CFAP299: variants seen among roughly 807,000 people sequenced by gnomAD.
CFAP299 encodes cilia- and flagella-associated protein 299.
CFAP299 carries 21 observed loss-of-function variants against 27.0 expected under a neutral mutation model. The observed-to-expected ratio is 0.78, with a 90% CI of 0.55 to 1.12. The LOEUF (loss-of-function observed/expected upper bound fraction) is 1.12, where lower values mean the gene tolerates loss of function less well. Among genes scored for constraint, CFAP299 ranks in the 50% most tolerant of loss-of-function variants. CFAP299 has a pLI of 0.00. For missense variants in CFAP299, 310 were observed against 276.6 expected (o/e 1.12, Z -0.86); for synonymous variants, 104 against 98.1 (o/e 1.06, Z -0.36).
intron 3 of CFAP299, among the ~76,000 whole-genome samples, chr4:80,679,789 G>A (rs1271598005): frequency 6.6e-6 from 1 of 150,404 alleles, no homozygotes; most frequent in Admixed American, 6.6e-5. Context: ...TTTCGAATTG[G>A]ATTTTTGCTA....
intron 3 of CFAP299, among the ~76,000 whole-genome samples, chr4:80,692,833 C>T (rs1720819069): frequency 6.6e-6 from 1 of 152,062 alleles, no homozygotes. Flanking sequence ...CTATAATGAA[C>T]TCAAACAAAT....
the CFAP299 span, among the ~76,000 whole-genome samples, chr4:80,326,589 A>G: frequency 6.6e-6 from 1 of 152,288 alleles, no homozygotes; most frequent in East Asian, 1.9e-4. Flanking sequence ...GGCCAATCGC[A>G]ATAGAAAACA....
chr4:80,903,995 A>G (rs111897340), intron 4 of CFAP299, among the ~76,000 whole-genome samples: 2,660 of 152,320 alleles, frequency 0.017, 40 homozygotes, highest in Middle Eastern at 0.044. Context: ...CACTTTAATG[A>G]CATAAAGTCA....
chr4:80,906,984 C>A (rs967348228), intron 4 of CFAP299, among the ~76,000 whole-genome samples: 1 of 152,120 alleles, frequency 6.6e-6, no homozygotes, highest in Admixed American at 6.5e-5. Flanking sequence ...AAAAAATGGG[C>A]TTTTCTTTAC....
intron 3 of CFAP299, among the ~76,000 whole-genome samples, chr4:80,686,523 A>G (rs890234013): frequency 6.6e-6 from 1 of 152,224 alleles, no homozygotes; most frequent in African/African-American, 2.4e-5. Context: ...TATTATATTT[A>G]TACAAATCCT....
At chr4:80,864,944 C>G (rs924338093) in intron 3 of CFAP299, among the ~76,000 whole-genome samples, 2 of 152,088 alleles carry the variant, frequency 1.3e-5, no homozygotes, top group African/African-American at 4.8e-5. Context: ...TACTAACTTA[C>G]CAGTGTCACA....
At chr4:80,431,418 CCTT>C (rs1292252312) in intron 2 of CFAP299, among the ~76,000 whole-genome samples, 1 of 147,258 alleles carries the variant, frequency 6.8e-6, no homozygotes, top group Non-Finnish European at 1.5e-5. Context: ...CTTCCTCCCT[CCTT>C]TTTTCCCTTC....
chr4:80,360,928 G>A (rs948521501), intron 1 of CFAP299, among the ~76,000 whole-genome samples: 5 of 152,112 alleles, frequency 3.3e-5, no homozygotes, highest in East Asian at 3.9e-4. Flanking sequence ...AGTTGTGTTC[G>A]AATATGCAAG....
intron 2 of CFAP299, among the ~76,000 whole-genome samples, chr4:80,581,461 T>G (rs201427115): frequency 0.39 from 48,054 of 124,180 alleles, 10,900 homozygotes; most frequent in Admixed American, 0.51. Flanking sequence ...GAGATATATA[T>G]ATATATATAT....
At chr4:80,485,664 G>T (rs1730779561) in intron 2 of CFAP299, among the ~76,000 whole-genome samples, 1 of 152,044 alleles carries the variant, frequency 6.6e-6, no homozygotes, top group African/African-American at 2.4e-5. Context: ...TTATTTGAAG[G>T]ATTTGCTTTA....
At chr4:80,448,924 T>G (rs1728766740) in intron 2 of CFAP299, among the ~76,000 whole-genome samples, 1 of 152,166 alleles carries the variant, frequency 6.6e-6, no homozygotes, top group African/African-American at 2.4e-5. Flanking sequence ...GACAGAAATA[T>G]ATCCCAAGTG....
At chr4:80,468,415 GGTTTTCCCAT>G (rs1729818552) in intron 2 of CFAP299, among the ~76,000 whole-genome samples, 1 of 151,582 alleles carries the variant, frequency 6.6e-6, no homozygotes, top group Non-Finnish European at 1.5e-5. Flanking sequence ...GTAGAGATGG[GGTTTTCCCAT>G]GTTGCCCAGG....
intron 2 of CFAP299, among the ~76,000 whole-genome samples, chr4:80,506,226 G>T (rs1376981762): frequency 2.0e-5 from 3 of 151,848 alleles, no homozygotes; most frequent in Non-Finnish European, 4.4e-5. Flanking sequence ...TCTTAGTATT[G>T]GTTCTCATTT....
intron 3 of CFAP299, among the ~76,000 whole-genome samples, chr4:80,650,669 TGCTTCATA>T (rs1740234028): frequency 6.6e-6 from 1 of 152,202 alleles, no homozygotes; most frequent in African/African-American, 2.4e-5. Flanking sequence ...TTAAAGTTTT[TGCTTCATA>T]GTATGAATTA....
At chr4:80,562,454 T>C (rs1166191319) in intron 2 of CFAP299, among the ~76,000 whole-genome samples, 1 of 151,684 alleles carries the variant, frequency 6.6e-6, no homozygotes, top group Non-Finnish European at 1.5e-5. Flanking sequence ...AAAAATTAGC[T>C]GGGTGTAGTG....
intron 3 of CFAP299, among the ~76,000 whole-genome samples, chr4:80,634,084 A>T (rs1371944082): frequency 6.6e-6 from 1 of 150,564 alleles, no homozygotes; most frequent in Non-Finnish European, 1.5e-5. Flanking sequence ...CCCGGGTTCA[A>T]GTGATTCTCC....
intron 3 of CFAP299, among the ~76,000 whole-genome samples, chr4:80,782,492 C>T (rs1726937519): frequency 6.8e-6 from 1 of 146,186 alleles, no homozygotes; most frequent in Non-Finnish European, 1.5e-5. Context: ...TGTATATATA[C>T]ACAATATATA....
rs572083813 is a variant in CFAP299, at chr4:80,442,630, C to A, written c.242+79746C>A. 3.9e-5 allele frequency among the ~76,000 whole-genome samples: 6 copies of A among 152,066 alleles called. No individual in the cohort carries two copies. In the South Asian group the frequency reaches 1.2e-3, roughly 32 times the overall value. On this transcript the variant is annotated intron_variant, in intron 2 of 5. Transcript: ENST00000358105. ...ACACCGTAACATCACAATTAAAAGT[C>A]AACTAGAGAAACAAGAGCAAATTCA...
chr4:80,929,557 A>G (rs1327923219), intron 4 of CFAP299, among the ~76,000 whole-genome samples: 3 of 152,106 alleles, frequency 2.0e-5, no homozygotes, highest in East Asian at 3.9e-4. Flanking sequence ...TATAATTGCT[A>G]TCTTCTATAT....
Sources: allele counts gnomAD v4.1 joint callset (sites outside exome capture counted in the v4.1 genomes callset), GRCh38; gene constraint gnomAD v4.1.1; transcripts MANE v1.5; gene names NCBI Gene and HGNC (gene_info 2026-07-23, HGNC 2026-07-21).